Variants in QRFPR observed in about 807,000 individuals in gnomAD.
QRFPR encodes the protein pyroglutamylated RFamide peptide receptor, also known as pyroglutamylated RF-amide peptide receptor.
Under a neutral mutation model 31.3 loss-of-function variants are expected in QRFPR, and 37 were observed. That is an observed-to-expected ratio of 1.18 (90% CI 0.91 to 1.56). The LOEUF (loss-of-function observed/expected upper bound fraction) is 1.56. Ranked by LOEUF, QRFPR falls within the 40% of genes most tolerant of loss-of-function variation. QRFPR has a pLI of 0.00. For missense variants in QRFPR, 542 were observed against 532.5 expected, an observed-to-expected ratio of 1.02 and a Z score of -0.18; for synonymous variants, 197 against 192.0, an observed-to-expected ratio of 1.03 and a Z score of -0.22.
chr4:121,365,639 T>A (rs1459249807), intron 1 of QRFPR, among the ~76,000 whole-genome samples: 992 of 17,418 alleles, frequency 0.057, 96 homozygotes, highest in African/African-American at 0.075. Flanking sequence ...TATATATATA[T>A]TTTATATATT....
chr4:121,332,936 T>A lies in QRFPR; in HGVS notation c.682A>T (p.Met228Leu). The change falls in exon 4 of 6, where the codon ATG (methionine) becomes TTG (leucine). Residue 228 changes from methionine to leucine, a missense_variant. Physicochemically the swap from Met to Leu is conservative, Grantham distance 15. Transcript: ENST00000394427. ...ILVILFLLPL[M>L]VMLILYSKIG... The stretch of plus-strand genomic sequence containing the variant: ...TTACTGTACAGAATAAGCATCACCA[T>A]AAGAGGCAGGAGGAAGAGGATGACA... 6.2e-7 allele frequency: 1 copy of A among 1,614,020 alleles called. No individual in the cohort carries two copies. The highest frequency in any genetic ancestry group is 1.1e-5 in the South Asian group (1 of 91,078).
intron 1 of QRFPR, among the ~76,000 whole-genome samples, chr4:121,359,989 G>A (rs1447508775): frequency 6.6e-6 from 1 of 151,292 alleles, no homozygotes; most frequent in East Asian, 1.9e-4. Context: ...AGATCTTATT[G>A]GGGTAACATT....
intron 1 of QRFPR, among the ~76,000 whole-genome samples, chr4:121,374,211 G>A (rs570348364): frequency 1.2e-3 from 181 of 152,224 alleles, no homozygotes; most frequent in African/African-American, 4.2e-3. Flanking sequence ...TAGTAAAGAC[G>A]CAATAGGCTG....
chr4:121,344,086 T>G (rs1725599016), intron 1 of QRFPR, among the ~76,000 whole-genome samples: 2 of 152,252 alleles, frequency 1.3e-5, no homozygotes, highest in Admixed American at 6.5e-5. Context: ...GCAGCCCTAT[T>G]AAAAGAATTA....
chr4:121,330,489 C>G lies in QRFPR; in HGVS notation c.832G>C (p.Val278Leu). ...KKRAVIMMVT[V>L]VALFAVCWAP... ...CAGCACACAGCAAAGAGAGCCACCACTGTCACCATCATAATGACAGCTCGT... is the reference window on the plus strand; with the variant it reads ...CAGCACACAGCAAAGAGAGCCACCAGTGTCACCATCATAATGACAGCTCGT... The change falls in exon 5 of 6, where the codon GTG becomes CTG. Residue 278 changes from valine to leucine, a missense_variant. Val to Leu is a conservative substitution (Grantham distance 32). Coordinates refer to ENST00000394427, the MANE Select transcript of QRFPR (RefSeq NM_198179.3). 1.2e-6 allele frequency: 2 copies of G among 1,614,004 alleles called. No homozygotes were observed. The highest frequency in any genetic ancestry group is 1.7e-6 in the Non-Finnish European group (2 of 1,179,882).
intron 1 of QRFPR, among the ~76,000 whole-genome samples, chr4:121,363,772 C>T (rs1355609451): frequency 6.7e-6 from 1 of 150,012 alleles, no homozygotes; most frequent in African/African-American, 2.5e-5. Flanking sequence ...TTCTCTCTTC[C>T]ACCCTTCACT....
chr4:121,332,725 TA>T, intron 4 of QRFPR, 95 bp downstream of exon 4: 1 of 895,402 alleles, frequency 1.1e-6, no homozygotes, highest in Non-Finnish European at 1.7e-6. Flanking sequence ...ATGCTTAGAC[TA>T]AATTACCTAG....
At chr4:121,379,354 A>G (rs1422392871) in intron 1 of QRFPR, among the ~76,000 whole-genome samples, 2 of 152,216 alleles carry the variant, frequency 1.3e-5, no homozygotes, top group East Asian at 3.8e-4. Flanking sequence ...GAAATAGCAG[A>G]GATTGAAGGC....
At chr4:121,348,963 G>A (rs1036129191) in intron 1 of QRFPR, among the ~76,000 whole-genome samples, 3 of 152,092 alleles carry the variant, frequency 2.0e-5, no homozygotes, top group African/African-American at 4.8e-5. Context: ...CAGGAGTGGT[G>A]GCAGGGGACT....
At chr4:121,343,995 G>A (rs1725597339) in intron 1 of QRFPR, among the ~76,000 whole-genome samples, 1 of 152,116 alleles carries the variant, frequency 6.6e-6, no homozygotes, top group South Asian at 2.1e-4. Context: ...ATCTGTCATA[G>A]GACTGATGTA....
chr4:121,332,167 CT>C (rs571771878), intron 4 of QRFPR, among the ~76,000 whole-genome samples: 1 of 151,674 alleles, frequency 6.6e-6, no homozygotes, highest in Non-Finnish European at 1.5e-5. Context: ...CCATTTAAGG[CT>C]TTTTTTTGCT....
rs1446693249 is a variant in QRFPR at position 121,366,266 on chromosome 4, T to TA, written c.340+14041dup. On this transcript the variant is annotated intron_variant, in intron 1 of 5. Coordinates refer to ENST00000394427, the MANE Select transcript of QRFPR (RefSeq NM_198179.3). The stretch of plus-strand genomic sequence containing the variant: ...ATGAGCTTGGGCATTTTACTTACTA[T>TA]AAAAAATTAAGATTTTTTTTTAAAG... 4.0e-5 allele frequency among the ~76,000 whole-genome samples: 6 copies of TA among 149,974 alleles called. 1 individual carries two copies. The highest frequency in any genetic ancestry group is 8.9e-5 in the Non-Finnish European group (6 of 67,566).
chr4:121,345,627 G>A (rs1168226534), intron 1 of QRFPR, among the ~76,000 whole-genome samples: 1 of 152,102 alleles, frequency 6.6e-6, no homozygotes, highest in Non-Finnish European at 1.5e-5. Flanking sequence ...TGACTCTTGG[G>A]ATAGAAGCTA....
chr4:121,362,331 A>G lies in QRFPR; in HGVS notation c.340+17977T>C, dbSNP rs936596230. On this transcript the variant is annotated intron_variant, in intron 1 of 5. Transcript: ENST00000394427. Reference sequence around the variant, plus strand: ...CTTTTTTAAAAGCATTTTTTTTTCTATGTACCTTTATCCAGGAAGAGGGGA... The same window carrying G: ...CTTTTTTAAAAGCATTTTTTTTTCTGTGTACCTTTATCCAGGAAGAGGGGA... Among the ~76,000 whole-genome samples the G allele has an allele frequency of 4.5e-4, 64 of 141,138 alleles. 6 individuals are homozygous for G. Among genetic ancestry groups the G allele is most frequent in the Admixed American group, 2.2e-3 (32 of 14,346 alleles). 92.6% of individuals were successfully genotyped at this position (141,138 alleles called of 152,430 possible). A position where few individuals can be genotyped will look rare whatever the true frequency, so the allele number is the denominator to read the frequency against.
intron 5 of QRFPR, 94 bp downstream of exon 5, chr4:121,330,332 T>A (rs1725298337): frequency 3.6e-6 from 3 of 837,112 alleles, no homozygotes; most frequent in Non-Finnish European, 5.8e-6. Context: ...TATTTGATTA[T>A]CCAAGTGAAC....
At chr4:121,341,776 T>C (rs1413014103) in intron 1 of QRFPR, among the ~76,000 whole-genome samples, 1 of 152,072 alleles carries the variant, frequency 6.6e-6, no homozygotes, top group Admixed American at 6.6e-5. Context: ...AAATCTGAAA[T>C]CTGAAACACC....
chr4:121,339,901 G>A (rs1171248421), intron 2 of QRFPR, among the ~76,000 whole-genome samples: 2 of 151,940 alleles, frequency 1.3e-5, no homozygotes, highest in African/African-American at 4.8e-5. Context: ...GCTGCAGTGA[G>A]TTGTGATCAC....
rs746198757 is a variant in QRFPR, at chr4:121,329,616, A to G, written c.994T>C (p.Tyr332His). 1 of 1,611,632 alleles carries G rather than the reference A, an allele frequency of 6.2e-7. No individual in the cohort carries two copies. Among genetic ancestry groups the G allele is most frequent in the Non-Finnish European group, 8.5e-7 (1 of 1,178,964 alleles). Residue 332 changes from tyrosine (Y) to histidine (H), a missense_variant, in exon 6 of 6, where the codon TAT becomes CAT. Transcript: ENST00000394427. ...TTGAAGTTTTCATTCATAAATGCATAGACAATGGGATTACAGATGGAGTTG... is the reference window on the plus strand; with the variant it reads ...TTGAAGTTTTCATTCATAAATGCATGGACAATGGGATTACAGATGGAGTTG... ...FSNSICNPIV[Y>H]AFMNENFKKN...
chr4:121,367,822 A>G (rs1213393289), intron 1 of QRFPR, among the ~76,000 whole-genome samples: 1 of 150,000 alleles, frequency 6.7e-6, no homozygotes, highest in Non-Finnish European at 1.5e-5. Flanking sequence ...AGGACACCAA[A>G]GCAAAGAGAA....
Sources: allele counts gnomAD v4.1 joint callset (sites outside exome capture counted in the v4.1 genomes callset), GRCh38; gene constraint gnomAD v4.1.1; transcripts MANE v1.5; gene names NCBI Gene and HGNC (gene_info 2026-07-23, HGNC 2026-07-21).